MYO1D: variants seen among roughly 807,000 people sequenced by gnomAD.
MYO1D encodes myosin ID, also known as unconventional myosin-Id.
A neutral mutation model predicts 122.0 loss-of-function variants in MYO1D; 83 were observed. The ratio of observed to expected loss-of-function variants is 0.68; its 90% CI spans 0.57 to 0.82. MYO1D has a LOEUF of 0.82. Ranked by LOEUF, MYO1D falls within the 40% of genes least tolerant of loss-of-function variation. MYO1D has a pLI of 0.00. For synonymous variants in MYO1D, 464 were observed against 446.9 expected, an observed-to-expected ratio of 1.04 and a Z score of -0.48; for missense variants, 1,157 against 1,269.5, an observed-to-expected ratio of 0.91 and a Z score of 1.35.
intron 21 of MYO1D, among the ~76,000 whole-genome samples, chr17:32,555,645 C>T (rs2087061921): frequency 1.3e-5 from 2 of 152,208 alleles, no homozygotes; most frequent in Non-Finnish European, 2.9e-5. Context: ...GCTTTCCAGC[C>T]TGCTTTTCCC....
At chr17:32,659,086 G>A in intron 17 of MYO1D, 29 bp downstream of exon 17, 1 of 1,578,896 alleles carries the variant, frequency 6.3e-7, no homozygotes, top group Non-Finnish European at 8.7e-7. Context: ...CACCATAAAT[G>A]GATGCAGCAC....
intron 20 of MYO1D, among the ~76,000 whole-genome samples, chr17:32,609,935 A>T (rs2087678372): frequency 6.6e-6 from 1 of 152,182 alleles, no homozygotes; most frequent in Non-Finnish European, 1.5e-5. Flanking sequence ...TATCATTTTC[A>T]TTTTAAAAAA....
chr17:32,519,905 A>T (rs560910042), intron 21 of MYO1D, among the ~76,000 whole-genome samples: 1 of 118,620 alleles, frequency 8.4e-6, no homozygotes, highest in Admixed American at 8.2e-5. Flanking sequence ...TTTTTTTAAA[A>T]AAAAAAACCA....
chr17:32,504,227 C>T (rs1015308), intron 21 of MYO1D, among the ~76,000 whole-genome samples: 10,389 of 152,254 alleles, frequency 0.068, 986 homozygotes, highest in East Asian at 0.46. Flanking sequence ...GGCCCGGGGG[C>T]GTGATCCACA....
At chr17:32,624,636 C>T (rs1240805156) in intron 20 of MYO1D, among the ~76,000 whole-genome samples, 1 of 151,984 alleles carries the variant, frequency 6.6e-6, no homozygotes, top group Non-Finnish European at 1.5e-5. Context: ...TGTAGTAGTA[C>T]CTTTTCTTCT....
At chr17:32,815,798 T>C (rs1443003251) in intron 1 of MYO1D, among the ~76,000 whole-genome samples, 2 of 152,234 alleles carry the variant, frequency 1.3e-5, no homozygotes, top group Non-Finnish European at 2.9e-5. Flanking sequence ...GTGATTACCG[T>C]CTCTGCCACA....
At chr17:32,702,748 T>C (rs2089263498) in intron 16 of MYO1D, among the ~76,000 whole-genome samples, 1 of 152,208 alleles carries the variant, frequency 6.6e-6, no homozygotes, top group Non-Finnish European at 1.5e-5. Flanking sequence ...TATAAAGACA[T>C]GTCTGTAGTT....
intron 11 of MYO1D, among the ~76,000 whole-genome samples, chr17:32,755,022 A>C (rs1249412057): frequency 2.0e-5 from 3 of 152,208 alleles, no homozygotes; most frequent in Non-Finnish European, 4.4e-5. Context: ...TTACAACTAG[A>C]ATCTCTCTGT....
At chr17:32,737,793 A>C (rs558677756) in intron 14 of MYO1D, among the ~76,000 whole-genome samples, 1 of 152,344 alleles carries the variant, frequency 6.6e-6, no homozygotes, top group African/African-American at 2.4e-5. Flanking sequence ...TCAATTATTT[A>C]AAACAGCCTA....
intron 6 of MYO1D, among the ~76,000 whole-genome samples, chr17:32,768,516 G>C (rs1353603134): frequency 6.6e-6 from 1 of 152,178 alleles, no homozygotes; most frequent in African/African-American, 2.4e-5. Context: ...TCCTCAGTAA[G>C]TTTCTCCTCT....
intron 19 of MYO1D, among the ~76,000 whole-genome samples, chr17:32,647,649 C>T (rs920048970): frequency 6.0e-5 from 9 of 150,238 alleles, no homozygotes; most frequent in Non-Finnish European, 1.2e-4. Flanking sequence ...ATGGTACATT[C>T]CTTTGTTATA....
rs763081778 is a variant in MYO1D at position 32,778,575 on chromosome 17, T to TG, written c.305-3dup. 39 of 1,610,932 alleles carry TG rather than the reference T, an allele frequency of 2.4e-5. No individual in the cohort carries two copies. The highest frequency in any genetic ancestry group is 3.1e-5 in the Non-Finnish European group (36 of 1,177,310). On this transcript the variant is annotated splice_polypyrimidine_tract_variant and splice_region_variant and intron_variant, in intron 2 of 21. Transcript: ENST00000318217. ...CCGTTTTACCAGCTCCACTTTCCCC[T>TG]GGGGGGAAAAATTGTTCAGGGCTTA... is the stretch of plus-strand genomic sequence containing the variant.
At chr17:32,580,289 ATTTTTTTTTTTTTTTTT>A (rs71144843) in intron 21 of MYO1D, among the ~76,000 whole-genome samples, 3,969 of 39,314 alleles carry the variant, frequency 0.1, 181 homozygotes, top group Non-Finnish European at 0.13. Flanking sequence ...TGCTAAGAGG[ATTTTTTTTTTTTTTTTT>A]TTTTTTTTTT....
intron 20 of MYO1D, among the ~76,000 whole-genome samples, chr17:32,612,731 A>C (rs188515386): frequency 1.3e-5 from 2 of 151,770 alleles, no homozygotes; most frequent in Non-Finnish European, 2.9e-5. Context: ...AGAAATTAGA[A>C]GAGAAAAACT....
chr17:32,866,671 T>C (rs2091127891), intron 1 of MYO1D, among the ~76,000 whole-genome samples: 1 of 152,188 alleles, frequency 6.6e-6, no homozygotes, highest in African/African-American at 2.4e-5. Flanking sequence ...AATCTCTAGT[T>C]GGGAGAATTT....
At chr17:32,563,712 A>G (rs566210605) in intron 21 of MYO1D, among the ~76,000 whole-genome samples, 2 of 152,342 alleles carry the variant, frequency 1.3e-5, no homozygotes, top group South Asian at 4.1e-4. Flanking sequence ...TGGAGCCATC[A>G]ACAGTACACT....
intron 16 of MYO1D, among the ~76,000 whole-genome samples, chr17:32,662,015 C>T (rs1356827127): frequency 6.6e-6 from 1 of 152,144 alleles, no homozygotes; most frequent in African/African-American, 2.4e-5. Context: ...TTACTATAAA[C>T]CTACTGCTAA....
In MYO1D at chr17:32,605,105, AG is replaced by A. The variant is rs766089950; in HGVS notation, c.2845del (p.Leu949TrpfsTer2). 1 of 1,596,384 alleles carries A rather than the reference AG, an allele frequency of 6.3e-7. No individual in the cohort carries two copies. Among genetic ancestry groups the A allele is most frequent in the Non-Finnish European group, 8.6e-7 (1 of 1,166,276 alleles). ...ESRIGELVGV[L>X]VNHFKSEKRH... is the part of the protein sequence containing the mutation. ...ACTTTACCTCTTGAAATGATTCACC[AG>A]CACTCCAACAAGTTCTCCAATTCGA... On this transcript the variant is annotated frameshift_variant, in exon 21 of 22. Coordinates refer to ENST00000318217, the MANE Select transcript of MYO1D (RefSeq NM_015194.3). LOFTEE classifies it high-confidence loss of function.
chr17:32,834,115 C>T (rs929689554), intron 1 of MYO1D, among the ~76,000 whole-genome samples: 9 of 152,058 alleles, frequency 5.9e-5, no homozygotes, highest in Admixed American at 5.9e-4. Flanking sequence ...TTGTAGGCGC[C>T]CAACAGATGT....
Sources: gnomAD v4.1 joint callset for allele counts (sites outside exome capture counted in the v4.1 genomes callset) on GRCh38, gnomAD v4.1.1 for gene constraint, MANE v1.5 for transcripts, NCBI Gene and HGNC (gene_info 2026-07-23, HGNC 2026-07-21) for gene names.